The following ABL2 variants were observed in gnomAD, a reference collection of about 807,000 sequenced individuals.
ABL2 encodes ABL proto-oncogene 2, non-receptor tyrosine kinase.
ABL2 carries 49 observed loss-of-function variants against 107.7 expected under a neutral mutation model. The ratio of observed to expected loss-of-function variants is 0.45; its 90% CI spans 0.36 to 0.58. ABL2 has a LOEUF of 0.58. Ranked by LOEUF, ABL2 falls within the 20% of genes least tolerant of loss-of-function variation. ABL2 has a pLI of 0.00. For missense variants in ABL2, 1,245 were observed against 1,457.0 expected, an observed-to-expected ratio of 0.85 and a Z score of 2.37; for synonymous variants, 549 against 548.6, an observed-to-expected ratio of 1.00 and a Z score of -0.01.
Position 179,174,909 on chromosome 1 carries a change from TAAAATAAAAAA to T in ABL2, c.158-41546_158-41536del, listed in dbSNP as rs1379125665. 9.0e-3 allele frequency among the ~76,000 whole-genome samples: 1,060 copies of T among 117,838 alleles called. 25 individuals are homozygous for T. The highest frequency in any genetic ancestry group is 0.029 in the African/African-American group (998 of 34,606). 77.3% of individuals were successfully genotyped at this position (117,838 alleles called of 152,430 possible). On this transcript the variant is annotated intron_variant, in intron 1 of 11. Transcript: ENST00000502732. ...AGACTCTGTCTCAAAAAAAAAAAAA[TAAAATAAAAAA>T]AATAATAATAATAATAATAATAATT...
At chr1:179,136,810 G>A (rs1427693110) in intron 1 of ABL2, among the ~76,000 whole-genome samples, 2 of 151,238 alleles carry the variant, frequency 1.3e-5, no homozygotes, top group Non-Finnish European at 2.9e-5. Context: ...CAGCTACTTC[G>A]GAGGCTGAGG....
intron 1 of ABL2, among the ~76,000 whole-genome samples, chr1:179,190,415 A>C (rs1042344120): frequency 1.3e-5 from 2 of 152,228 alleles, no homozygotes; most frequent in African/African-American, 4.8e-5. Context: ...GTGGGAGAAG[A>C]GGGGCTGAGC....
chr1:179,143,036 A>G (rs200931513), intron 1 of ABL2: 8 of 1,614,024 alleles, frequency 5.0e-6, no homozygotes, highest in Non-Finnish European at 6.8e-6. Flanking sequence ...GAACTGTCCC[A>G]AGGACCATAC....
At chr1:179,199,746 T>TC (rs1661553422) in intron 1 of ABL2, among the ~76,000 whole-genome samples, 1 of 126,840 alleles carries the variant, frequency 7.9e-6, no homozygotes, top group Non-Finnish European at 1.7e-5. Flanking sequence ...TTTTTTTTTT[T>TC]TTTGAGACAG....
intron 1 of ABL2, among the ~76,000 whole-genome samples, chr1:179,203,564 G>GA (rs1425775710): frequency 2.6e-4 from 38 of 146,242 alleles, no homozygotes; most frequent in East Asian, 1.0e-3. Context: ...CTGCAAATAA[G>GA]AAAAAAAAAA....
chr1:179,218,060 C>A (rs1176945749), intron 1 of ABL2, among the ~76,000 whole-genome samples: 1 of 152,150 alleles, frequency 6.6e-6, no homozygotes, highest in African/African-American at 2.4e-5. Context: ...GTACTTAGAA[C>A]ATGCCTGGCA....
At position 179,103,347 on chromosome 1, in the gene ABL2, G is replaced by C. The variant is rs1009832924; in HGVS notation, c.*4371C>G. The C allele has an allele frequency of 1.9e-5, 4 of 205,620 alleles. No individual in the cohort carries two copies. The South Asian group carries it at 5.7e-4, about 29-fold the overall frequency. 12.7% of individuals were successfully genotyped at this position (205,620 alleles called of 1,614,324 possible). On this transcript the variant is annotated 3_prime_UTR_variant, in exon 12 of 12. Coordinates refer to ENST00000502732, the MANE Select transcript of ABL2 (RefSeq NM_007314.4). ...GTACCCCACAGGGTCCATCCACATT[G>C]AATCAACTGTCTTATCTTTTAAACA...
rs149816906 is a variant in ABL2 at position 179,181,825 on chromosome 1, G to A, written c.157+47416C>T. ...AGACAGAGTCTCACTCTATTGCCCCGGCTGGAATGCAATGGCATGATCTCG... is the reference window on the plus strand; with the variant it reads ...AGACAGAGTCTCACTCTATTGCCCCAGCTGGAATGCAATGGCATGATCTCG... On this transcript the variant is annotated intron_variant, in intron 1 of 11. Coordinates refer to ENST00000502732, the MANE Select transcript of ABL2 (RefSeq NM_007314.4). Among the ~76,000 whole-genome samples the A allele has an allele frequency of 8.5e-3, 1,291 of 151,354 alleles. 45 individuals are homozygous for A. Among genetic ancestry groups the A allele is most frequent in the Admixed American group, 0.057 (869 of 15,162 alleles).
At chr1:179,135,123 C>G (rs544718367) in intron 1 of ABL2, among the ~76,000 whole-genome samples, 1 of 152,148 alleles carries the variant, frequency 6.6e-6, no homozygotes, top group African/African-American at 2.4e-5. Flanking sequence ...CCCAAAGTGC[C>G]GAGATTGCAG....
At chr1:179,217,855 C>G (rs530376741) in intron 1 of ABL2, among the ~76,000 whole-genome samples, 4 of 152,078 alleles carry the variant, frequency 2.6e-5, no homozygotes, top group Non-Finnish European at 4.4e-5. Flanking sequence ...GTAAAAAATA[C>G]CTAAAAATCT....
intron 1 of ABL2, among the ~76,000 whole-genome samples, chr1:179,173,008 G>A (rs2102777935): frequency 6.6e-6 from 1 of 152,200 alleles, no homozygotes; most frequent in East Asian, 1.9e-4. Context: ...TGGCCAATAT[G>A]TCAAAACACT....
chr1:179,120,869 CT>C (rs1311648691), intron 5 of ABL2, among the ~76,000 whole-genome samples: 2 of 152,174 alleles, frequency 1.3e-5, no homozygotes, highest in African/African-American at 4.8e-5. Context: ...TCATAGTTTA[CT>C]TCTCCAGATA....
chr1:179,210,519 G>GA (rs939538481), intron 1 of ABL2, among the ~76,000 whole-genome samples: 24 of 102,894 alleles, frequency 2.3e-4, no homozygotes, highest in East Asian at 6.0e-4. Context: ...AAAAAAAAAA[G>GA]AAAAAAAAAA....
At chr1:179,200,549 G>A (rs964479869) in intron 1 of ABL2, among the ~76,000 whole-genome samples, 5 of 151,958 alleles carry the variant, frequency 3.3e-5, no homozygotes, top group African/African-American at 7.3e-5. Flanking sequence ...TTTTAGTTTC[G>A]CATATTCTAT....
rs79464508 is a variant in ABL2 at position 179,101,052 on chromosome 1, G to A, written c.*6666C>T. 2,260 of 232,208 alleles carry A rather than the reference G, an allele frequency of 9.7e-3. 66 individuals carry two copies. Among genetic ancestry groups the A allele is most frequent in the African/African-American group, 0.045 (2,061 of 45,378 alleles). 14.4% of individuals were successfully genotyped at this position (232,208 alleles called of 1,614,324 possible). ...CTCTCAGGAAACCACTTCAAGTGGC[G>A]GATTCTCACAGATGGAGGATCTGGC... is the stretch of plus-strand genomic sequence containing the variant. On this transcript the variant is annotated 3_prime_UTR_variant, in exon 12 of 12. Transcript: ENST00000502732.
chr1:179,170,410 C>T (rs979222959), intron 1 of ABL2, among the ~76,000 whole-genome samples: 2 of 151,844 alleles, frequency 1.3e-5, no homozygotes, highest in Non-Finnish European at 2.9e-5. Flanking sequence ...TGTGACCAAA[C>T]ATTAAAGAAT....
intron 3 of ABL2, among the ~76,000 whole-genome samples, chr1:179,130,331 G>A (rs555956684): frequency 4.6e-5 from 7 of 152,350 alleles, no homozygotes; most frequent in South Asian, 2.1e-4. Context: ...CTGCCTATCT[G>A]AGGACTGTTC....
At position 179,121,625 on chromosome 1, in the gene ABL2, G is replaced by T; in HGVS notation, c.930C>A (p.Tyr310Ter). 1 of 1,614,228 alleles carries T rather than the reference G, an allele frequency of 6.2e-7. No individual in the cohort carries two copies. The highest frequency in any genetic ancestry group is 8.5e-7 in the Non-Finnish European group (1 of 1,180,032). The change falls in exon 5 of 12, where the codon TAC (tyrosine) becomes TAA (stop). Residue 310 changes from tyrosine (Y) to a stop codon, truncating the protein, a stop_gained. Transcript: ENST00000502732. LOFTEE classifies it high-confidence loss of function. ...GEVYVGVWKK[Y>*]SLTVAVKTLK... ...ATGTTTTCACAGCAACTGTAAGGCT[G>T]TATTTCTTCCAGACGCCAACGTAAA...
chr1:179,103,780 G>A lies in ABL2; in HGVS notation c.*3938C>T, dbSNP rs181292776. The A allele has an allele frequency of 4.8e-5, 11 of 229,760 alleles. No individual in the cohort carries two copies. In the South Asian group the frequency reaches 9.1e-4, roughly 19 times the overall value. 14.2% of individuals were successfully genotyped at this position (229,760 alleles called of 1,614,324 possible). On this transcript the variant is annotated 3_prime_UTR_variant, in exon 12 of 12. Transcript: ENST00000502732. ...GTCTCACATGGCAGCAGGTATGGTG[G>A]AAAGACCCCACAACCATAAAGTCAA...
Sources: gnomAD v4.1 joint callset for allele counts (sites outside exome capture counted in the v4.1 genomes callset) on GRCh38, gnomAD v4.1.1 for gene constraint, MANE v1.5 for transcripts, NCBI Gene and HGNC (gene_info 2026-07-23, HGNC 2026-07-21) for gene names.